The following SPCS2 variants were observed in gnomAD, a reference collection of about 807,000 sequenced individuals.
SPCS2 encodes SPase 25 kDa subunit.
A neutral mutation model predicts 22.3 loss-of-function variants in SPCS2; 3 were observed. The ratio of observed to expected loss-of-function variants is 0.13; its 90% CI spans 0.06 to 0.35. SPCS2 has a LOEUF of 0.35. Among genes scored for constraint, SPCS2 ranks in the 10% least tolerant of loss-of-function variants. The pLI, the probability that SPCS2 is intolerant of heterozygous loss-of-function variation, is 1.00. For missense variants in SPCS2, 169 were observed against 280.9 expected (o/e 0.60, Z 2.85); for synonymous variants, 67 against 97.2 (o/e 0.69, Z 1.83).
At chr11:74,956,018 T>A (rs1948477232) in intron 1 of SPCS2, among the ~76,000 whole-genome samples, 1 of 151,306 alleles carries the variant, frequency 6.6e-6, no homozygotes, top group South Asian at 2.1e-4. Flanking sequence ...ATTGATCACT[T>A]CTTTTTTCTT....
At chr11:74,967,972 C>T (rs1396771848) in intron 3 of SPCS2, among the ~76,000 whole-genome samples, 1 of 151,932 alleles carries the variant, frequency 6.6e-6, no homozygotes, top group African/African-American at 2.4e-5. Context: ...TGCATATATC[C>T]TTCATCTCTA....
intron 1 of SPCS2, chr11:74,949,694 C>T (rs1342384558): frequency 6.3e-6 from 3 of 475,688 alleles, no homozygotes; most frequent in Non-Finnish European, 8.3e-6. Flanking sequence ...TCTCTTTTCT[C>T]CTGGGGGGCT....
chr11:74,952,428 G>C (rs1948452137), intron 1 of SPCS2, among the ~76,000 whole-genome samples: 1 of 151,780 alleles, frequency 6.6e-6, no homozygotes, highest in African/African-American at 2.4e-5. Flanking sequence ...TATAGTGCTG[G>C]TAAATGTTCT....
intron 1 of SPCS2, among the ~76,000 whole-genome samples, chr11:74,954,451 T>A (rs1343008542): frequency 6.6e-6 from 1 of 152,222 alleles, no homozygotes; most frequent in Non-Finnish European, 1.5e-5. Context: ...GCATCTGTTG[T>A]GAGGTGGAAG....
At chr11:74,971,088 A>G (rs1313989197) in intron 4 of SPCS2, among the ~76,000 whole-genome samples, 1 of 152,110 alleles carries the variant, frequency 6.6e-6, no homozygotes, top group Admixed American at 6.5e-5. Flanking sequence ...TGGACATTTC[A>G]TATGAATGGA....
At chr11:74,966,128 T>C (rs1179250030) in intron 3 of SPCS2, among the ~76,000 whole-genome samples, 1 of 152,218 alleles carries the variant, frequency 6.6e-6, no homozygotes, top group African/African-American at 2.4e-5. Context: ...TGTATGGTTA[T>C]TTTATCGTAA....
intron 3 of SPCS2, among the ~76,000 whole-genome samples, chr11:74,968,626 C>G (rs1948561385): frequency 6.6e-6 from 1 of 151,632 alleles, no homozygotes; most frequent in South Asian, 2.1e-4. Flanking sequence ...TGGGTTCAAG[C>G]CATTCTCATG....
intron 1 of SPCS2, among the ~76,000 whole-genome samples, chr11:74,959,336 C>G (rs1012239859): frequency 6.6e-6 from 1 of 152,178 alleles, no homozygotes; most frequent in Non-Finnish European, 1.5e-5. Flanking sequence ...TGAAGGTGTT[C>G]ATGTGTCATA....
At chr11:74,955,208 C>T (rs1409589517) in intron 1 of SPCS2, among the ~76,000 whole-genome samples, 1 of 152,130 alleles carries the variant, frequency 6.6e-6, no homozygotes, top group Non-Finnish European at 1.5e-5. Context: ...CCATATGACC[C>T]AACAATTCCA....
intron 1 of SPCS2, among the ~76,000 whole-genome samples, chr11:74,960,151 T>A (rs1048143416): frequency 1.3e-5 from 2 of 152,088 alleles, no homozygotes; most frequent in African/African-American, 4.8e-5. Flanking sequence ...GCCAACATGG[T>A]GAAACCCCAT....
intron 1 of SPCS2, among the ~76,000 whole-genome samples, chr11:74,956,499 C>G (rs1317627369): frequency 6.6e-6 from 1 of 152,144 alleles, no homozygotes; most frequent in African/African-American, 2.4e-5. Flanking sequence ...CTTGATTCTT[C>G]TCTTTGCTTT....
chr11:74,966,736 A>C (rs1026691358), intron 3 of SPCS2, among the ~76,000 whole-genome samples: 1 of 149,224 alleles, frequency 6.7e-6, no homozygotes, highest in Non-Finnish European at 1.5e-5. Flanking sequence ...TTACTTTTTT[A>C]AACAATGTTA....
At chr11:74,953,625 A>G (rs1433606831) in intron 1 of SPCS2, among the ~76,000 whole-genome samples, 5 of 152,224 alleles carry the variant, frequency 3.3e-5, no homozygotes, top group African/African-American at 1.2e-4. Flanking sequence ...GTTTTCCCTA[A>G]GCAGATGTGA....
chr11:74,971,790 C>G (rs990437482), intron 4 of SPCS2, among the ~76,000 whole-genome samples: 1 of 152,214 alleles, frequency 6.6e-6, no homozygotes, highest in African/African-American at 2.4e-5. Flanking sequence ...AGTCTAAACT[C>G]CTTCAGCATA....
intron 1 of SPCS2, among the ~76,000 whole-genome samples, chr11:74,951,858 T>C (rs1948448430): frequency 6.7e-6 from 1 of 148,932 alleles, no homozygotes; most frequent in South Asian, 2.1e-4. Context: ...AAGGCCTCAT[T>C]CCTGAAAGTG....
At chr11:74,949,494 C>G (rs1948302345) in intron 1 of SPCS2, 95 bp downstream of exon 1, 1 of 1,121,156 alleles carries the variant, frequency 8.9e-7, no homozygotes, top group East Asian at 2.6e-5. Context: ...TTTTCTACGG[C>G]CTTTTGAGGG....
chr11:74,961,156 G>T (rs1202773767), intron 1 of SPCS2, among the ~76,000 whole-genome samples: 1 of 152,072 alleles, frequency 6.6e-6, no homozygotes, highest in Non-Finnish European at 1.5e-5. Context: ...ATGATGCAGT[G>T]TATTATATAG....
chr11:74,956,667 T>A (rs905845968), intron 1 of SPCS2, among the ~76,000 whole-genome samples: 1 of 152,156 alleles, frequency 6.6e-6, no homozygotes, highest in Admixed American at 6.5e-5. Flanking sequence ...CAGACTGATG[T>A]TTTAAAACAT....
intron 4 of SPCS2, 73 bp from the exon 5 acceptor site, chr11:74,976,784 C>T: frequency 1.9e-6 from 3 of 1,583,164 alleles, no homozygotes; most frequent in Non-Finnish European, 2.6e-6. Flanking sequence ...TTCGGAAACA[C>T]TTGGTGCCGT....
Sources: allele counts gnomAD v4.1 joint callset (sites outside exome capture counted in the v4.1 genomes callset), GRCh38; gene constraint gnomAD v4.1.1; transcripts MANE v1.5; gene names NCBI Gene and HGNC (gene_info 2026-07-23, HGNC 2026-07-21).